The following FGF12 variants were observed in gnomAD, a reference collection of about 807,000 sequenced individuals.
The protein encoded by FGF12 is fibroblast growth factor 12.
A neutral mutation model predicts 23.6 loss-of-function variants in FGF12; 14 were observed. The ratio of observed to expected loss-of-function variants is 0.59; its 90% CI spans 0.39 to 0.93. FGF12 has a LOEUF of 0.93. Among genes scored for constraint, FGF12 ranks in the 40% least tolerant of loss-of-function variants. The pLI is 0.00. For missense variants in FGF12, 175 were observed against 217.8 expected (o/e 0.80, Z 1.24); for synonymous variants, 62 against 77.3 (o/e 0.80, Z 1.04).
chr3:192,502,193 C>T (rs867128324), intron 2 of FGF12, among the ~76,000 whole-genome samples: 58 of 152,212 alleles, frequency 3.8e-4, no homozygotes, highest in Middle Eastern at 6.8e-3. Flanking sequence ...ATTCTTTGTT[C>T]TTGGAAATAC....
intron 2 of FGF12, among the ~76,000 whole-genome samples, chr3:192,719,802 AAAG>A (rs1376339703): frequency 9.8e-4 from 136 of 138,956 alleles, no homozygotes; most frequent in African/African-American, 3.2e-3. Context: ...AAAAAAAAAA[AAAG>A]AAAAACAAGA....
rs140448885 is a variant in FGF12 at position 192,622,509 on chromosome 3, C to T, written c.13+104672G>A. Among the ~76,000 whole-genome samples, 153 of 152,276 alleles carry T rather than the reference C, an allele frequency of 1.0e-3. 1 individual carries two copies. The highest frequency in any genetic ancestry group is 3.4e-3 in the African/African-American group (143 of 41,558). On this transcript the variant is annotated intron_variant, in intron 2 of 5. Coordinates refer to ENST00000445105, the MANE Select transcript of FGF12 (RefSeq NM_004113.6). ...AGGGACCACCAGTCAGTGGGAGTCA[C>T]TGTGGAGTTCAAGGCAGGTCCCCAC... is the stretch of plus-strand genomic sequence containing the variant.
intron 2 of FGF12, among the ~76,000 whole-genome samples, chr3:192,530,053 T>G (rs1246968143): frequency 6.6e-6 from 1 of 152,204 alleles, no homozygotes; most frequent in Non-Finnish European, 1.5e-5. Context: ...TACCAACCAT[T>G]ACATTTATTC....
intron 2 of FGF12, among the ~76,000 whole-genome samples, chr3:192,644,728 C>T (rs1715936471): frequency 6.6e-6 from 1 of 152,132 alleles, no homozygotes; most frequent in African/African-American, 2.4e-5. Context: ...GATTTAAACA[C>T]AAGTCTGCCA....
intron 2 of FGF12, among the ~76,000 whole-genome samples, chr3:192,602,646 T>C (rs573840658): frequency 1.3e-5 from 2 of 151,724 alleles, no homozygotes; most frequent in Admixed American, 1.3e-4. Context: ...AGATCTATGA[T>C]ACCACTGTGG....
intron 2 of FGF12, among the ~76,000 whole-genome samples, chr3:192,414,105 C>T (rs1721275742): frequency 6.6e-6 from 1 of 152,212 alleles, no homozygotes; most frequent in South Asian, 2.1e-4. Context: ...CTCTTTATGA[C>T]ATAGATGAAG....
In FGF12 at chr3:192,456,103, C is replaced by G. The variant is rs575166927; in HGVS notation, c.14-95565G>C. Among the ~76,000 whole-genome samples, 66 of 152,202 alleles carry G rather than the reference C, an allele frequency of 4.3e-4. 1 individual carries two copies. In the East Asian group the frequency reaches 7.9e-3, roughly 18 times the overall value. On this transcript the variant is annotated intron_variant, in intron 2 of 5. Transcript: ENST00000445105. ...AGGTATCACTATTCTGGGTATATGA[C>G]AAAATATGAGAGATGATAAAAACAT...
At chr3:192,464,283 C>T (rs982302886) in intron 2 of FGF12, among the ~76,000 whole-genome samples, 4 of 151,992 alleles carry the variant, frequency 2.6e-5, no homozygotes, top group Admixed American at 2.6e-4. Flanking sequence ...GTATCCCTCA[C>T]CCCCCTCCCA....
intron 2 of FGF12, among the ~76,000 whole-genome samples, chr3:192,701,013 C>T (rs959128822): frequency 2.0e-5 from 3 of 152,036 alleles, no homozygotes; most frequent in African/African-American, 7.2e-5. Flanking sequence ...TGATCTTTTC[C>T]CTAGTCCAGG....
intron 2 of FGF12, among the ~76,000 whole-genome samples, chr3:192,438,878 T>C (rs1389922155): frequency 6.6e-6 from 1 of 152,334 alleles, no homozygotes; most frequent in Non-Finnish European, 1.5e-5. Context: ...CAGAACAGGT[T>C]GGCTTGAGAG....
At chr3:192,335,246 C>A (rs1478983669) in intron 4 of FGF12, 115 bp downstream of exon 4, 16 of 695,150 alleles carry the variant, frequency 2.3e-5, no homozygotes, top group Admixed American at 1.3e-4. Flanking sequence ...AACAGGATCA[C>A]AAAATATAAA....
intron 2 of FGF12, among the ~76,000 whole-genome samples, chr3:192,654,746 G>C (rs1716336580): frequency 2.0e-5 from 3 of 152,204 alleles, no homozygotes; most frequent in Admixed American, 1.3e-4. Flanking sequence ...CAGTTTGACA[G>C]ACCTGTGTAC....
intron 4 of FGF12, among the ~76,000 whole-genome samples, chr3:192,193,635 C>A (rs147246769): frequency 1.8e-3 from 270 of 152,258 alleles, no homozygotes; most frequent in Admixed American, 2.5e-3. Flanking sequence ...AGAATACACT[C>A]TATAGTCTCA....
At chr3:192,236,618 C>A (rs181666572) in intron 4 of FGF12, among the ~76,000 whole-genome samples, 4 of 152,048 alleles carry the variant, frequency 2.6e-5, no homozygotes, top group Admixed American at 2.6e-4. Context: ...CTTATTTGTC[C>A]CTTTTGATCA....
In FGF12 at chr3:192,141,190, A is replaced by G. The variant is rs1713364949; in HGVS notation, c.*2819T>C. 1 of 150,492 alleles carries G rather than the reference A, an allele frequency of 6.6e-6. No individual in the cohort carries two copies. Among genetic ancestry groups the G allele is most frequent in the African/African-American group, 2.4e-5 (1 of 41,130 alleles). 9.3% of individuals were successfully genotyped at this position (150,492 alleles called of 1,614,324 possible). A position where few individuals can be genotyped will look rare whatever the true frequency, so the allele number is the denominator to read the frequency against. On this transcript the variant is annotated 3_prime_UTR_variant, in exon 6 of 6. Transcript: ENST00000445105. ...CTTAAAAAGGAAAAGTGACGAATGAATTGAAGACCCAGAAATCAGAACAAT... is the reference window on the plus strand; with the variant it reads ...CTTAAAAAGGAAAAGTGACGAATGAGTTGAAGACCCAGAAATCAGAACAAT...
At chr3:192,380,828 C>T (rs371025287) in intron 2 of FGF12, among the ~76,000 whole-genome samples, 8 of 152,066 alleles carry the variant, frequency 5.3e-5, no homozygotes, top group African/African-American at 1.9e-4. Context: ...TAATATAATG[C>T]AAACCCCACG....
At chr3:192,607,692 TA>T (rs1437900159) in intron 2 of FGF12, among the ~76,000 whole-genome samples, 2 of 152,070 alleles carry the variant, frequency 1.3e-5, no homozygotes, top group East Asian at 3.9e-4. Context: ...TATGATTCAT[TA>T]ATTTTATTTA....
At chr3:192,196,246 T>G (rs1475417972) in intron 4 of FGF12, among the ~76,000 whole-genome samples, 1 of 152,134 alleles carries the variant, frequency 6.6e-6, no homozygotes, top group East Asian at 1.9e-4. Context: ...TCAACCCAAG[T>G]GTTCCTCAAT....
At chr3:192,515,834 C>CTTTTTTTTT (rs10681949) in intron 2 of FGF12, among the ~76,000 whole-genome samples, 4 of 147,652 alleles carry the variant, frequency 2.7e-5, no homozygotes, top group Non-Finnish European at 1.5e-5. Context: ...CCCCTTGACT[C>CTTTTTTTTT]TTTTTTTTTT....
Sources: gnomAD v4.1 joint callset for allele counts (sites outside exome capture counted in the v4.1 genomes callset) on GRCh38, gnomAD v4.1.1 for gene constraint, MANE v1.5 for transcripts, NCBI Gene and HGNC (gene_info 2026-07-23, HGNC 2026-07-21) for gene names.